Variants in GSDMC observed in about 807,000 individuals in gnomAD.
GSDMC encodes gasdermin-C.
Under a neutral mutation model 58.0 loss-of-function variants are expected in GSDMC, and 59 were observed. The observed-to-expected ratio is 1.02, with a 90% CI of 0.82 to 1.26. The LOEUF (loss-of-function observed/expected upper bound fraction) is 1.26. Among genes scored for constraint, GSDMC ranks in the 50% most tolerant of loss-of-function variants. The pLI, the probability that GSDMC is intolerant of heterozygous loss-of-function variation, is 0.00. For missense variants in GSDMC, 659 were observed against 598.5 expected, an observed-to-expected ratio of 1.10 and a Z score of -1.06; for synonymous variants, 241 against 220.2, an observed-to-expected ratio of 1.09 and a Z score of -0.83.
the GSDMC span, among the ~76,000 whole-genome samples, chr8:129,736,086 T>C: frequency 0.65 from 98,076 of 151,382 alleles, 34,069 homozygotes; most frequent in African/African-American, 0.9. Flanking sequence ...GACACACACA[T>C]GCTCCGGAAG....
chr8:129,721,837 A>G, the GSDMC span, among the ~76,000 whole-genome samples: 1 of 152,180 alleles, frequency 6.6e-6, no homozygotes, highest in African/African-American at 2.4e-5. Flanking sequence ...CAAACACTCT[A>G]TGAATGATCG....
At chr8:129,779,745 G>A (rs1471244337) in intron 1 of GSDMC, among the ~76,000 whole-genome samples, 4 of 151,878 alleles carry the variant, frequency 2.6e-5, no homozygotes, top group African/African-American at 4.8e-5. Flanking sequence ...AAAAACAGAC[G>A]ATTCAGGAAA....
At chr8:129,742,529 T>A in the GSDMC span, among the ~76,000 whole-genome samples, 1 of 152,174 alleles carries the variant, frequency 6.6e-6, no homozygotes, top group Non-Finnish European at 1.5e-5. Flanking sequence ...GGGTTTTCTC[T>A]CTGTACAACT....
intron 1 of GSDMC, among the ~76,000 whole-genome samples, chr8:129,782,901 T>TAA (rs535189791): frequency 3.6e-5 from 5 of 139,476 alleles, no homozygotes; most frequent in African/African-American, 5.2e-5. Context: ...CAAAGAAACT[T>TAA]AAAAAAAAAA....
chr8:129,731,878 C>A, the GSDMC span, among the ~76,000 whole-genome samples: 1 of 152,128 alleles, frequency 6.6e-6, no homozygotes, highest in Non-Finnish European at 1.5e-5. Context: ...ACATTGACAC[C>A]TAAAATTAAC....
the GSDMC span, among the ~76,000 whole-genome samples, chr8:129,725,079 TGCTAGCC>T: frequency 1.3e-5 from 2 of 152,212 alleles, no homozygotes; most frequent in Non-Finnish European, 2.9e-5. Flanking sequence ...TCCTGTCCTC[TGCTAGCC>T]TGAGAAAGCT....
At chr8:129,772,364 T>C (rs890602935) in intron 3 of GSDMC, among the ~76,000 whole-genome samples, 1 of 137,430 alleles carries the variant, frequency 7.3e-6, no homozygotes, top group Admixed American at 7.0e-5. Context: ...TTGAAAAAAA[T>C]TAAAAATTGA....
At chr8:129,733,003 A>G in the GSDMC span, among the ~76,000 whole-genome samples, 2 of 152,222 alleles carry the variant, frequency 1.3e-5, no homozygotes, top group Non-Finnish European at 2.9e-5. Flanking sequence ...ACACCAGGAG[A>G]TTATATCCCG....
At chr8:129,744,969 G>A (rs556105129), downstream of GSDMC, among the ~76,000 whole-genome samples, 11 of 152,330 alleles carry the variant, frequency 7.2e-5, no homozygotes, top group African/African-American at 2.6e-4. Flanking sequence ...GAGACCTAGA[G>A]AGGTCCACTG....
At chr8:129,765,458 C>T (rs896945369) in intron 4 of GSDMC, among the ~76,000 whole-genome samples, 170 bp downstream of exon 4, 1 of 152,184 alleles carries the variant, frequency 6.6e-6, no homozygotes, top group Non-Finnish European at 1.5e-5. Context: ...TTAGAATATA[C>T]TCTCAGATCA....
At chr8:129,777,796 G>C (rs1039627819) in intron 1 of GSDMC, among the ~76,000 whole-genome samples, 2 of 152,116 alleles carry the variant, frequency 1.3e-5, no homozygotes, top group African/African-American at 4.8e-5. Context: ...ATGTTGCCCA[G>C]ACTGGTCTTG....
At chr8:129,760,223 G>T (rs2033604838) in intron 6 of GSDMC, among the ~76,000 whole-genome samples, 1 of 152,112 alleles carries the variant, frequency 6.6e-6, no homozygotes, top group Non-Finnish European at 1.5e-5. Context: ...GTGGTGGGGG[G>T]TCTGGAGGAG....
chr8:129,776,644 G>T (rs900367), intron 2 of GSDMC, among the ~76,000 whole-genome samples: 20,952 of 152,174 alleles, frequency 0.14, 1,770 homozygotes, highest in East Asian at 0.3. Flanking sequence ...CACAGGGGCA[G>T]AAAATGTTTG....
intron 1 of GSDMC, among the ~76,000 whole-genome samples, chr8:129,781,073 T>C (rs1273586191): frequency 6.6e-6 from 1 of 152,146 alleles, no homozygotes; most frequent in East Asian, 1.9e-4. Flanking sequence ...AATTGAAATA[T>C]ACCATCAGTG....
Position 129,750,535 on chromosome 8 carries a change from T to C in GSDMC, c.979A>G (p.Ile327Val), listed in dbSNP as rs374611855. Reference sequence around the variant, plus strand: ...TTTGAGAGCTGAGCCAGTGTCTTTATTTTCTGGAAAACCTCCTCTTGTAGA... The same window carrying C: ...TTTGAGAGCTGAGCCAGTGTCTTTACTTTCTGGAAAACCTCCTCTTGTAGA... ...KHLQEEVFQK[I>V]KTLAQLSKDV... Residue 327 changes from isoleucine to valine, a missense_variant, in exon 11 of 14, where the codon ATA becomes GTA. Physicochemically the swap from Ile to Val is conservative, Grantham distance 29. Coordinates refer to ENST00000276708, the MANE Select transcript of GSDMC (RefSeq NM_031415.3). 3.1e-6 allele frequency: 5 copies of C among 1,613,966 alleles called. No homozygotes were observed. The African/African-American group carries it at 6.7e-5, about 22-fold the overall frequency.
intron 6 of GSDMC, among the ~76,000 whole-genome samples, chr8:129,754,100 T>A (rs2130369054): frequency 6.6e-6 from 1 of 152,268 alleles, no homozygotes; most frequent in South Asian, 2.1e-4. Context: ...AGTGAAAAAA[T>A]CTCACTGGCT....
At chr8:129,768,299 CA>C (rs1204046625) in intron 3 of GSDMC, among the ~76,000 whole-genome samples, 5 of 151,944 alleles carry the variant, frequency 3.3e-5, no homozygotes, top group Non-Finnish European at 7.4e-5. Context: ...CTCAAAAGCA[CA>C]AAAAGAAATG....
intron 1 of GSDMC, among the ~76,000 whole-genome samples, chr8:129,779,563 C>G (rs770197637): frequency 1.7e-4 from 26 of 151,668 alleles, no homozygotes; most frequent in African/African-American, 6.3e-4. Flanking sequence ...TCCCATGGCA[C>G]AAGTTTACCT....
At chr8:129,729,668 C>T in the GSDMC span, 7 of 417,702 alleles carry the variant, frequency 1.7e-5, no homozygotes, top group Non-Finnish European at 1.3e-5. Context: ...GCATAGTATT[C>T]CATGGTGTAT....
Sources: allele counts gnomAD v4.1 joint callset (sites outside exome capture counted in the v4.1 genomes callset), GRCh38; gene constraint gnomAD v4.1.1; transcripts MANE v1.5; gene names NCBI Gene and HGNC (gene_info 2026-07-23, HGNC 2026-07-21).